GARIN2: variants seen among roughly 807,000 people sequenced by gnomAD.
GARIN2 encodes golgi associated RAB2 interactor family member 2, also known as Golgi-associated RAB2 interactor protein 2.
chr14:67,217,937 A>T, the GARIN2 span, among the ~76,000 whole-genome samples: 106 of 152,244 alleles, frequency 7.0e-4, 3 homozygotes, highest in South Asian at 0.022. Flanking sequence ...TGTCACAGGG[A>T]AAGACTTATT....
At chr14:67,211,272 A>T in the GARIN2 span, among the ~76,000 whole-genome samples, 1 of 152,164 alleles carries the variant, frequency 6.6e-6, no homozygotes, top group Admixed American at 6.5e-5. Flanking sequence ...GGGAGGAAGG[A>T]AGGAAAGAGA....
chr14:67,212,413 C>A, the GARIN2 span, among the ~76,000 whole-genome samples: 21 of 151,370 alleles, frequency 1.4e-4, no homozygotes, highest in Non-Finnish European at 2.8e-4. Context: ...CATTGCAAAA[C>A]CCTGTCTCTA....
chr14:67,222,282 T>TTTTG, the GARIN2 span, among the ~76,000 whole-genome samples: 3 of 152,232 alleles, frequency 2.0e-5, no homozygotes, highest in East Asian at 1.9e-4. Context: ...TATTTAATGT[T>TTTTG]TTTGTTTGTT....
chr14:67,227,878 T>G, the GARIN2 span: 1 of 152,276 alleles, frequency 6.6e-6, no homozygotes, highest in Non-Finnish European at 1.5e-5. Context: ...TTTAAGAAAT[T>G]AAGTTTCTTG....
the GARIN2 span, chr14:67,221,856 G>A: frequency 1.2e-6 from 2 of 1,603,406 alleles, no homozygotes; most frequent in South Asian, 2.2e-5. Context: ...CTGGTATTCA[G>A]TAGTCATCTC....
the GARIN2 span, among the ~76,000 whole-genome samples, chr14:67,202,346 C>G: frequency 6.6e-6 from 1 of 152,106 alleles, no homozygotes; most frequent in Non-Finnish European, 1.5e-5. Context: ...GAGGCTGAGA[C>G]AGGAGAATCA....
chr14:67,208,148 T>C, the GARIN2 span: 2 of 1,602,284 alleles, frequency 1.2e-6, no homozygotes, highest in South Asian at 2.3e-5. Flanking sequence ...CACAAACACC[T>C]ATTACCTGAT....
At chr14:67,223,058 G>A in the GARIN2 span, among the ~76,000 whole-genome samples, 3 of 143,632 alleles carry the variant, frequency 2.1e-5, no homozygotes, top group East Asian at 6.3e-4. Context: ...AGAGTGCAGT[G>A]GCACAATCTT....
At chr14:67,201,689 C>T in the GARIN2 span, 10 of 365,778 alleles carry the variant, frequency 2.7e-5, no homozygotes, top group Non-Finnish European at 4.9e-5. Flanking sequence ...CATCCCTGAG[C>T]CATGATATTG....
chr14:67,208,458 G>A, the GARIN2 span: 3 of 1,608,960 alleles, frequency 1.9e-6, no homozygotes, highest in Non-Finnish European at 1.7e-6. Context: ...AGGTATGTGA[G>A]GCAGGAACAT....
chr14:67,225,518 A>T, the GARIN2 span, among the ~76,000 whole-genome samples: 2 of 152,220 alleles, frequency 1.3e-5, no homozygotes, highest in Non-Finnish European at 2.9e-5. Flanking sequence ...TATGTGCTGC[A>T]CTACCATAGC....
At chr14:67,193,538 A>T in the GARIN2 span, among the ~76,000 whole-genome samples, 1 of 143,836 alleles carries the variant, frequency 7.0e-6, no homozygotes, top group Non-Finnish European at 1.5e-5. Flanking sequence ...GATCTATAGA[A>T]ATATATATCT....
At chr14:67,227,158 C>T in the GARIN2 span, among the ~76,000 whole-genome samples, 6 of 151,882 alleles carry the variant, frequency 4.0e-5, 1 homozygote, top group East Asian at 9.7e-4. Flanking sequence ...AAATTTGCTC[C>T]CAGCTGGGCG....
At chr14:67,191,106 C>T in the GARIN2 span, among the ~76,000 whole-genome samples, 78 of 152,218 alleles carry the variant, frequency 5.1e-4, no homozygotes, top group African/African-American at 1.8e-3. Flanking sequence ...TGGTGGCGGG[C>T]GCCTCTAATC....
the GARIN2 span, chr14:67,198,881 A>AG: frequency 1.5e-6 from 1 of 673,308 alleles, no homozygotes; most frequent in Non-Finnish European, 2.7e-6. Context: ...GTTCAATGAT[A>AG]GGGGTCATAC....
chr14:67,191,421 G>A, the GARIN2 span, among the ~76,000 whole-genome samples: 1 of 152,166 alleles, frequency 6.6e-6, no homozygotes, highest in Non-Finnish European at 1.5e-5. Flanking sequence ...GGACATTTTA[G>A]GGGCATGTAC....
chr14:67,222,175 T>A, the GARIN2 span: 1 of 222,594 alleles, frequency 4.5e-6, no homozygotes, highest in African/African-American at 2.3e-5. Context: ...CTTGCTGATA[T>A]ATAACGGGAA....
At chr14:67,205,094 G>A in the GARIN2 span, 1 of 1,545,628 alleles carries the variant, frequency 6.5e-7, no homozygotes. Context: ...GAGAAGGTAT[G>A]TGTCACTGAA....
At chr14:67,204,858 T>G in the GARIN2 span, 1 of 1,613,908 alleles carries the variant, frequency 6.2e-7, no homozygotes, top group South Asian at 1.1e-5. Flanking sequence ...GCCCTGAACA[T>G]GTCAGGGACA....
Sources: allele counts gnomAD v4.1 joint callset (sites outside exome capture counted in the v4.1 genomes callset), GRCh38; gene constraint gnomAD v4.1.1; transcripts MANE v1.5; gene names NCBI Gene and HGNC (gene_info 2026-07-23, HGNC 2026-07-21).